GPATCH8: variants seen among roughly 807,000 people sequenced by gnomAD.
GPATCH8 encodes G-patch domain containing 8.
GPATCH8 carries 18 observed loss-of-function variants against 118.3 expected under a neutral mutation model. That is an observed-to-expected ratio of 0.15 (90% CI 0.11 to 0.23). The LOEUF (loss-of-function observed/expected upper bound fraction) is 0.23, where lower values mean the gene tolerates loss of function less well. Ranked by LOEUF, GPATCH8 falls within the 10% of genes least tolerant of loss-of-function variation. The pLI is 1.00. For missense variants in GPATCH8, 1,631 were observed against 1,873.8 expected (o/e 0.87, Z 2.39); for synonymous variants, 659 against 684.7 (o/e 0.96, Z 0.59).
At chr17:44,478,666 CA>C (rs1229666873) in intron 1 of GPATCH8, among the ~76,000 whole-genome samples, 2 of 148,702 alleles carry the variant, frequency 1.3e-5, no homozygotes, top group South Asian at 2.1e-4. Flanking sequence ...GTCTCAAAAA[CA>C]AAAAAAAACA....
chr17:44,410,494 A>G (rs1223607051), intron 6 of GPATCH8, among the ~76,000 whole-genome samples: 2 of 152,226 alleles, frequency 1.3e-5, no homozygotes. Context: ...AGCTGACTCA[A>G]AAGCTATGAG....
intron 6 of GPATCH8, among the ~76,000 whole-genome samples, chr17:44,408,083 T>C (rs2049298916): frequency 6.6e-6 from 1 of 152,230 alleles, no homozygotes; most frequent in Non-Finnish European, 1.5e-5. Flanking sequence ...GCCTATTATA[T>C]GATTACTTTT....
intron 1 of GPATCH8, among the ~76,000 whole-genome samples, chr17:44,497,246 G>C (rs1368856580): frequency 6.6e-6 from 1 of 152,136 alleles, no homozygotes; most frequent in Non-Finnish European, 1.5e-5. Context: ...CTTTACATAG[G>C]TTTCTGATTC....
chr17:44,426,001 A>T (rs2050077231), intron 5 of GPATCH8, among the ~76,000 whole-genome samples: 1 of 152,230 alleles, frequency 6.6e-6, no homozygotes. Flanking sequence ...TGAAAAACAC[A>T]CAGAAGGAAA....
intron 2 of GPATCH8, chr17:44,467,217 T>C (rs2051803488): frequency 5.0e-6 from 2 of 403,824 alleles, no homozygotes; most frequent in East Asian, 7.4e-5. Context: ...TTGCAAGTAA[T>C]GTATTTATTA....
At chr17:44,405,041 G>A (rs1429668855) in intron 7 of GPATCH8, among the ~76,000 whole-genome samples, 1 of 152,092 alleles carries the variant, frequency 6.6e-6, no homozygotes, top group Non-Finnish European at 1.5e-5. Flanking sequence ...GTTAGAAAGA[G>A]GATACCGAAT....
intron 1 of GPATCH8, among the ~76,000 whole-genome samples, chr17:44,499,469 CA>C (rs926797476): frequency 3.3e-5 from 5 of 151,854 alleles, no homozygotes; most frequent in African/African-American, 1.2e-4. Context: ...AACTCCATCT[CA>C]AAAAAATAAA....
chr17:44,451,184 C>A (rs2051099224), intron 3 of GPATCH8, among the ~76,000 whole-genome samples: 1 of 152,140 alleles, frequency 6.6e-6, no homozygotes, highest in Non-Finnish European at 1.5e-5. Context: ...ACCTCCGCCT[C>A]CTGAGTTCAA....
rs765158219 is a variant in GPATCH8, at chr17:44,436,532, G to A, written c.207C>T (p.Pro69=). Residue 69 remains proline (P), a synonymous_variant, in exon 4 of 8, where the codon CCC becomes CCT. Coordinates refer to ENST00000591680, the MANE Select transcript of GPATCH8 (RefSeq NM_001002909.4). ...CATCATACTTGACAACGATTGGAAT[G>A]GGATCTGTTCTCCCTGTAACAGGAA... is the stretch of plus-strand genomic sequence containing the variant. The part of the protein sequence containing the change: ...LGKSLQGRTD[P]IPIVVKYDVM... The A allele has an allele frequency of 2.7e-6, 4 of 1,501,288 alleles. No homozygotes were observed. In the Admixed American group the frequency reaches 6.7e-5, roughly 25 times the overall value. The allele number at this position is 1,501,288 out of a possible 1,614,324, so 93.0% of individuals were successfully genotyped here.
At chr17:44,457,568 T>C (rs975090341) in intron 3 of GPATCH8, among the ~76,000 whole-genome samples, 2 of 152,230 alleles carry the variant, frequency 1.3e-5, no homozygotes, top group African/African-American at 4.8e-5. Context: ...CAACTGTGTG[T>C]TAACAATCAT....
At chr17:44,496,571 G>A (rs562122762) in intron 1 of GPATCH8, among the ~76,000 whole-genome samples, 1 of 152,272 alleles carries the variant, frequency 6.6e-6, no homozygotes, top group South Asian at 2.1e-4. Flanking sequence ...CACGCACACA[G>A]GAATTATTGT....
intron 6 of GPATCH8, among the ~76,000 whole-genome samples, chr17:44,411,204 C>T (rs1323561768): frequency 6.6e-6 from 1 of 152,134 alleles, no homozygotes; most frequent in Non-Finnish European, 1.5e-5. Context: ...TGTAAAATGG[C>T]TCCCAAGAAA....
intron 6 of GPATCH8, among the ~76,000 whole-genome samples, chr17:44,421,418 T>G (rs187564336): frequency 5.7e-4 from 87 of 151,852 alleles, no homozygotes; most frequent in Non-Finnish European, 9.4e-4. Flanking sequence ...CAGGCTGGAG[T>G]GCAGTGGCAC....
intron 6 of GPATCH8, among the ~76,000 whole-genome samples, chr17:44,410,512 T>C (rs1384823249): frequency 6.6e-6 from 1 of 152,238 alleles, no homozygotes; most frequent in African/African-American, 2.4e-5. Context: ...GAGATGTCCT[T>C]ATCTCTGAAA....
intron 3 of GPATCH8, 31 bp from the exon 4 acceptor site, chr17:44,436,576 T>C: frequency 1.8e-6 from 2 of 1,109,294 alleles, no homozygotes; most frequent in Non-Finnish European, 2.8e-6. Flanking sequence ...CAAGGTAAGG[T>C]GCAAAGCCAA....
chr17:44,489,591 C>T (rs534917054), intron 1 of GPATCH8, among the ~76,000 whole-genome samples: 2 of 152,256 alleles, frequency 1.3e-5, no homozygotes, highest in African/African-American at 2.4e-5. Flanking sequence ...CCGCCCGCCT[C>T]GGCCTCCCAA....
At chr17:44,493,470 T>G (rs1217970902) in intron 1 of GPATCH8, among the ~76,000 whole-genome samples, 1 of 152,192 alleles carries the variant, frequency 6.6e-6, no homozygotes. Flanking sequence ...CTGCCATGTA[T>G]TAAAGAAGTA....
intron 3 of GPATCH8, among the ~76,000 whole-genome samples, chr17:44,444,545 G>C (rs2050807569): frequency 6.6e-6 from 1 of 152,172 alleles, no homozygotes; most frequent in Non-Finnish European, 1.5e-5. Context: ...GGCCAAGGCA[G>C]GCAGACTACT....
intron 5 of GPATCH8, among the ~76,000 whole-genome samples, chr17:44,429,685 C>A (rs59265021): frequency 0.011 from 1,586 of 141,502 alleles, 28 homozygotes; most frequent in African/African-American, 0.041. Context: ...CACACACACA[C>A]AAAACAACAA....
Sources: gnomAD v4.1 joint callset for allele counts (sites outside exome capture counted in the v4.1 genomes callset) on GRCh38, gnomAD v4.1.1 for gene constraint, MANE v1.5 for transcripts, NCBI Gene and HGNC (gene_info 2026-07-23, HGNC 2026-07-21) for gene names.